Variants in RYR3 observed in about 807,000 individuals in gnomAD.
The protein encoded by RYR3 is ryanodine receptor 3, also known as brain ryanodine receptor-calcium release channel.
RYR3 carries 207 observed loss-of-function variants against 584.3 expected under a neutral mutation model. That is an observed-to-expected ratio of 0.35 (90% CI 0.32 to 0.40). RYR3 has a LOEUF of 0.40. Among genes scored for constraint, RYR3 ranks in the 10% least tolerant of loss-of-function variants. The probability of loss-of-function intolerance (pLI) is 1.00; values close to 1 mark genes in which losing one functional copy is unlikely to be tolerated. For missense variants in RYR3, 5,616 were observed against 6,089.2 expected (o/e 0.92, Z 2.59); for synonymous variants, 2,416 against 2,248.5 (o/e 1.07, Z -2.11).
At chr15:33,854,580 G>T in intron 97 of RYR3, 131 bp downstream of exon 97, 1 of 1,056,414 alleles carries the variant, frequency 9.5e-7, no homozygotes. Context: ...ATACGTGCTG[G>T]GGGAACACTT....
At chr15:33,648,536 G>A (rs2062240451) in intron 30 of RYR3, among the ~76,000 whole-genome samples, 1 of 152,198 alleles carries the variant, frequency 6.6e-6, no homozygotes, top group South Asian at 2.1e-4. Flanking sequence ...GCTACACAGA[G>A]CACATTTGGC....
At chr15:33,691,563 T>A (rs2065435360) in intron 38 of RYR3, among the ~76,000 whole-genome samples, 1 of 152,196 alleles carries the variant, frequency 6.6e-6, no homozygotes, top group Non-Finnish European at 1.5e-5. Flanking sequence ...CATAGTTTCT[T>A]ATTCTTTAAT....
At chr15:33,395,195 G>A (rs16970533) in intron 1 of RYR3, among the ~76,000 whole-genome samples, 1,868 of 152,338 alleles carry the variant, frequency 0.012, 33 homozygotes, top group African/African-American at 0.041. Flanking sequence ...ACTAGTGCCC[G>A]TGCTTATAGC....
intron 15 of RYR3, 143 bp from the exon 16 acceptor site, chr15:33,585,855 C>G (rs1272278577): frequency 1.7e-6 from 1 of 589,918 alleles, no homozygotes; most frequent in Admixed American, 3.1e-5. Flanking sequence ...CATTTTTTTT[C>G]TGGCTGGAAA....
At position 33,865,448 on chromosome 15, in the gene RYR3, G is replaced by A. The variant is rs1211872535; in HGVS notation, c.*222G>A. The A allele has an allele frequency of 4.1e-6, 2 of 488,408 alleles. No homozygotes were observed. Among genetic ancestry groups the A allele is most frequent in the South Asian group, 3.3e-5 (1 of 30,002 alleles). The allele number at this position is 488,408 out of a possible 1,614,324, so 30.3% of individuals were successfully genotyped here. A position where few individuals can be genotyped will look rare whatever the true frequency, so the allele number is the denominator to read the frequency against. On this transcript the variant is annotated 3_prime_UTR_variant, in exon 104 of 104. Coordinates refer to ENST00000634891, the MANE Select transcript of RYR3 (RefSeq NM_001036.6). ...ACCTGTCAAAATGTCGAAGAAGGAA[G>A]GCGAAGAATCAAGTAATCTCTAGGC...
intron 3 of RYR3, among the ~76,000 whole-genome samples, chr15:33,514,409 G>A (rs1327515675): frequency 2.0e-5 from 3 of 152,122 alleles, no homozygotes; most frequent in African/African-American, 4.8e-5. Context: ...CTGACCCAGT[G>A]TAAATGAGGC....
At chr15:33,348,190 G>A (rs977257627) in intron 1 of RYR3, among the ~76,000 whole-genome samples, 1 of 152,094 alleles carries the variant, frequency 6.6e-6, no homozygotes, top group South Asian at 2.1e-4. Flanking sequence ...CACACCATCT[G>A]CCCTGCATTT....
chr15:33,511,711 T>G (rs1380692722), intron 3 of RYR3, among the ~76,000 whole-genome samples: 3 of 152,218 alleles, frequency 2.0e-5, no homozygotes, highest in African/African-American at 7.2e-5. Context: ...ACCACTGCTC[T>G]CCAATTAGAA....
chr15:33,366,174 C>CCT (rs1555443735), intron 1 of RYR3, among the ~76,000 whole-genome samples: 2 of 25,292 alleles, frequency 7.9e-5, no homozygotes, highest in African/African-American at 5.5e-4. Flanking sequence ...GTTTGCTTCA[C>CCT]ATAATAGGTA....
At chr15:33,850,723 C>T (rs2079044125) in intron 94 of RYR3, 1 of 151,832 alleles carries the variant, frequency 6.6e-6, no homozygotes, top group African/African-American at 2.4e-5. Context: ...GTACATTTTA[C>T]AGTATAATTA....
intron 1 of RYR3, among the ~76,000 whole-genome samples, chr15:33,431,639 A>T (rs993281317): frequency 2.0e-5 from 3 of 152,038 alleles, no homozygotes; most frequent in African/African-American, 7.2e-5. Flanking sequence ...GGTGGTGTGC[A>T]TCTGTAGTCC....
In RYR3 at chr15:33,543,623, A is replaced by G. The variant is rs200724716; in HGVS notation, c.648A>G (p.Gly216=). The G allele has an allele frequency of 3.3e-5, 53 of 1,586,798 alleles. No homozygotes were observed. In the Admixed American group the frequency reaches 6.7e-4, roughly 20 times the overall value. Residue 216 remains glycine, a splice_region_variant and synonymous_variant, in exon 8 of 104, where the codon GGA becomes GGG. Transcript: ENST00000634891. ...CAGTAGAATATAATTCTCTTACAGG[A>G]TACCTACTTGGTGGGCATGTAGTAC... The part of the protein sequence containing the change: ...PTCSGSSIEE[G]YLLGGHVVRL...
At chr15:33,386,803 T>C (rs1264919097) in intron 1 of RYR3, among the ~76,000 whole-genome samples, 1 of 152,182 alleles carries the variant, frequency 6.6e-6, no homozygotes, top group African/African-American at 2.4e-5. Context: ...TTTCACTTAG[T>C]GCAATGTCTT....
chr15:33,567,840 T>C (rs1047975117), intron 12 of RYR3, among the ~76,000 whole-genome samples: 19 of 152,320 alleles, frequency 1.2e-4, no homozygotes, highest in Non-Finnish European at 1.0e-4. Flanking sequence ...GCCCTCCAGG[T>C]AATGCTGATG....
chr15:33,792,843 G>A (rs1369589264), intron 67 of RYR3, among the ~76,000 whole-genome samples: 4 of 152,126 alleles, frequency 2.6e-5, no homozygotes, highest in Non-Finnish European at 5.9e-5. Flanking sequence ...ATATGTGTCA[G>A]TTGTCCAAGT....
At chr15:33,827,553 A>G (rs567258050) in intron 85 of RYR3, among the ~76,000 whole-genome samples, 1 of 152,226 alleles carries the variant, frequency 6.6e-6, no homozygotes, top group Admixed American at 6.5e-5. Context: ...CTGTGTTGCT[A>G]TAAAACAACC....
chr15:33,627,771 T>C (rs541067929), intron 20 of RYR3, among the ~76,000 whole-genome samples: 19 of 152,230 alleles, frequency 1.2e-4, no homozygotes, highest in African/African-American at 4.1e-4. Context: ...GTGTAGAGGA[T>C]AGATCAGTGG....
intron 1 of RYR3, among the ~76,000 whole-genome samples, chr15:33,331,030 CTTTG>C (rs199583725): frequency 7.2e-5 from 11 of 152,108 alleles, no homozygotes; most frequent in Admixed American, 1.3e-4. Context: ...AGTGACAGAA[CTTTG>C]TTTGTTTGTT....
At chr15:33,541,965 A>G (rs1156615139) in intron 7 of RYR3, among the ~76,000 whole-genome samples, 1 of 152,038 alleles carries the variant, frequency 6.6e-6, no homozygotes, top group Non-Finnish European at 1.5e-5. Context: ...TCCATGTTAA[A>G]TTTTTTATTT....
Sources: allele counts gnomAD v4.1 joint callset (sites outside exome capture counted in the v4.1 genomes callset), GRCh38; gene constraint gnomAD v4.1.1; transcripts MANE v1.5; gene names NCBI Gene and HGNC (gene_info 2026-07-23, HGNC 2026-07-21).